FGFR1: variants seen among roughly 807,000 people sequenced by gnomAD.
The protein encoded by FGFR1 is FGFR1/PLAG1 fusion.
Under a neutral mutation model 93.7 loss-of-function variants are expected in FGFR1, and 18 were observed. That is an observed-to-expected ratio of 0.19 (90% confidence interval 0.13 to 0.28). The LOEUF (loss-of-function observed/expected upper bound fraction) is 0.28, where lower values mean the gene tolerates loss of function less well. Among genes scored for constraint, FGFR1 ranks in the 10% least tolerant of loss-of-function variants. FGFR1 has a pLI of 1.00. For synonymous variants in FGFR1, 448 were observed against 429.3 expected (o/e 1.04, Z -0.54); for missense variants, 731 against 1,080.4 (o/e 0.68, Z 4.53).
intron 3 of FGFR1, chr8:38,428,669 T>G (rs966853534): frequency 1.8e-5 from 10 of 558,412 alleles, no homozygotes; most frequent in East Asian, 9.1e-5. Context: ...CACTGGGTGG[T>G]TCCATCAGGG....
intron 2 of FGFR1, chr8:38,430,942 C>G (rs992184810): frequency 6.6e-6 from 1 of 152,344 alleles, no homozygotes. Context: ...GGGCTGTTAC[C>G]CATCTCCTGA....
At chr8:38,425,949 G>T in intron 6 of FGFR1, 173 bp downstream of exon 6, 1 of 804,836 alleles carries the variant, frequency 1.2e-6, no homozygotes, top group East Asian at 2.5e-5. Flanking sequence ...CTATTTTACA[G>T]ATAAGAAAAG....
At chr8:38,466,940 G>A (rs1456052558) in intron 1 of FGFR1, among the ~76,000 whole-genome samples, 5 of 151,510 alleles carry the variant, frequency 3.3e-5, no homozygotes, top group Non-Finnish European at 7.4e-5. Context: ...TGCCTCATAG[G>A]GGGTGTGTGT....
intron 1 of FGFR1, among the ~76,000 whole-genome samples, chr8:38,464,323 A>C (rs1835063982): frequency 6.6e-6 from 1 of 151,390 alleles, no homozygotes; most frequent in Non-Finnish European, 1.5e-5. Context: ...AAAAAAAAAA[A>C]AAAAAAAAAA....
chr8:38,412,804 G>A lies in FGFR1; in HGVS notation c.*824C>T, dbSNP rs1814810691. 4.3e-6 allele frequency: 1 copy of A among 233,270 alleles called. No individual in the cohort carries two copies. Among genetic ancestry groups the A allele is most frequent in the South Asian group, 1.8e-4 (1 of 5,526 alleles). The allele number at this position is 233,270 out of a possible 1,614,324, so 14.5% of individuals were successfully genotyped here. A position where few individuals can be genotyped will look rare whatever the true frequency, so the allele number is the denominator to read the frequency against. On this transcript the variant is annotated 3_prime_UTR_variant, in exon 18 of 18. Transcript: ENST00000447712. ...GAACATAATTTAAAAAAATAAAACA[G>A]CAAAAGTAGCAAAAAATATATGACC...
In FGFR1 at chr8:38,429,767, G is replaced by C. The variant is rs201823433; in HGVS notation, c.273C>G (p.Ser91=). Residue 91 remains serine, a synonymous_variant, in exon 3 of 18, where the codon TCC becomes TCG. Coordinates refer to ENST00000447712, the MANE Select transcript of FGFR1 (RefSeq NM_023110.3). The surrounding 1 kb of genome is among the most constrained non-coding windows in gnomAD (Gnocchi z 4.4). ...CATAGAGGCCGGAGTCTGCGGGCAC[G>C]GAGTCCTGCACCTCCACCTCCTCCC... ...ITGEEVEVQD[S]VPADSGLYAC... 2.5e-6 allele frequency: 4 copies of C among 1,606,968 alleles called. No homozygotes were observed. The highest frequency in any genetic ancestry group is 1.1e-5 in the South Asian group (1 of 89,706).
chr8:38,423,300 CTT>C (rs1289836482), intron 7 of FGFR1: 9 of 605,356 alleles, frequency 1.5e-5, no homozygotes, highest in Middle Eastern at 4.4e-4. Context: ...GATTTATTAC[CTT>C]TCCCTTTTAG....
At chr8:38,435,932 A>C (rs1019258839) in intron 2 of FGFR1, among the ~76,000 whole-genome samples, 39 of 152,356 alleles carry the variant, frequency 2.6e-4, no homozygotes, top group African/African-American at 8.4e-4. Context: ...AGCAGCACCA[A>C]AACACTTGCT....
intron 2 of FGFR1, among the ~76,000 whole-genome samples, chr8:38,449,784 C>T (rs1035944071): frequency 9.9e-5 from 15 of 152,242 alleles, no homozygotes; most frequent in Non-Finnish European, 1.5e-4. Context: ...ACCAGCTACA[C>T]GGAGCCCTCA....
At chr8:38,438,298 T>C (rs537782834) in intron 2 of FGFR1, among the ~76,000 whole-genome samples, 5 of 152,224 alleles carry the variant, frequency 3.3e-5, no homozygotes, top group Non-Finnish European at 1.5e-5. Context: ...TCCTAGCACT[T>C]TGGGAGGCCG....
rs1379681352 is a variant in FGFR1 at position 38,468,501 on chromosome 8, C to A, written c.-609G>T. 1 of 228,538 alleles carries A rather than the reference C, an allele frequency of 4.4e-6. No homozygotes were observed. The highest frequency in any genetic ancestry group is 6.1e-5 in the East Asian group (1 of 16,390). 14.2% of individuals were successfully genotyped at this position (228,538 alleles called of 1,614,324 possible). A position where few individuals can be genotyped will look rare whatever the true frequency, so the allele number is the denominator to read the frequency against. On this transcript the variant is annotated 5_prime_UTR_variant, in exon 1 of 18. Coordinates refer to ENST00000447712, the MANE Select transcript of FGFR1 (RefSeq NM_023110.3). ...ACGAGGGGTCTCGGTCCCGTCCGGA[C>A]GTGGCCGCCCAGCTCCCGGCACACC...
intron 2 of FGFR1, among the ~76,000 whole-genome samples, chr8:38,456,931 T>TAC (rs1358158623): frequency 1.3e-5 from 2 of 152,120 alleles, no homozygotes; most frequent in Non-Finnish European, 1.5e-5. Flanking sequence ...TCTCACCTCC[T>TAC]ACAACATCCC....
Position 38,413,502 on chromosome 8 carries a change from C to T in FGFR1, c.*126G>A. 1 of 1,101,726 alleles carries T rather than the reference C, an allele frequency of 9.1e-7. No homozygotes were observed. Among genetic ancestry groups the T allele is most frequent in the Non-Finnish European group, 1.3e-6 (1 of 772,138 alleles). The allele number at this position is 1,101,726 out of a possible 1,614,324, so 68.2% of individuals were successfully genotyped here. ...TGAAGGCAGGCCACACAGGAAGGCC[C>T]CTGGTAGGCAGCCGGCTCCTGCCAG... On this transcript the variant is annotated 3_prime_UTR_variant, in exon 18 of 18. Coordinates refer to ENST00000447712, the MANE Select transcript of FGFR1 (RefSeq NM_023110.3). This position sits in a 1 kb window ranked among gnomAD's most constrained non-coding sequence, Gnocchi z 4.2.
intron 2 of FGFR1, chr8:38,434,404 C>A: frequency 3.2e-6 from 1 of 313,818 alleles, no homozygotes; most frequent in Non-Finnish European, 6.3e-6. Context: ...GCAATGGTGA[C>A]TTCCACCTCA....
At position 38,429,225 on chromosome 8, in the gene FGFR1, G is replaced by A. The variant is rs974059979; in HGVS notation, c.358+457C>T. 2 of 461,926 alleles carry A rather than the reference G, an allele frequency of 4.3e-6. No individual in the cohort carries two copies. Among genetic ancestry groups the A allele is most frequent in the South Asian group, 3.1e-5 (2 of 64,450 alleles). The allele number at this position is 461,926 out of a possible 1,614,324, so 28.6% of individuals were successfully genotyped here. On this transcript the variant is annotated intron_variant, in intron 3 of 17. Coordinates refer to ENST00000447712, the MANE Select transcript of FGFR1 (RefSeq NM_023110.3). This position sits in a 1 kb window ranked among gnomAD's most constrained non-coding sequence, Gnocchi z 4.4. ...GCTCCAGGGCTCCCTGGCTGCCCTC[G>A]CACAGCTCCCTTGCGGTGCACCTGG...
At chr8:38,422,035 T>G (rs1378361493) in intron 7 of FGFR1, 94 bp from the exon 8 acceptor site, 1 of 1,427,634 alleles carries the variant, frequency 7.0e-7, no homozygotes, top group East Asian at 2.4e-5. Flanking sequence ...GAAGGGGGAC[T>G]AGAGGAAGAA....
chr8:38,434,868 T>G (rs1298682578), intron 2 of FGFR1: 1 of 152,626 alleles, frequency 6.6e-6, no homozygotes, highest in Non-Finnish European at 1.5e-5. Context: ...TGCTTCTTTT[T>G]GTTTGTTTGT....
chr8:38,433,316 C>A (rs1439069908), intron 2 of FGFR1, among the ~76,000 whole-genome samples: 1 of 151,798 alleles, frequency 6.6e-6, no homozygotes, highest in African/African-American at 2.4e-5. Flanking sequence ...ATGACAAAGA[C>A]CCTTTTTTTT....
At chr8:38,437,131 C>T (rs1255325975) in intron 2 of FGFR1, among the ~76,000 whole-genome samples, 4 of 152,132 alleles carry the variant, frequency 2.6e-5, no homozygotes, top group Admixed American at 6.5e-5. Context: ...CCACCCACCT[C>T]GGCCTCCCAA....
Sources: gnomAD v4.1 joint callset for allele counts (sites outside exome capture counted in the v4.1 genomes callset) on GRCh38, gnomAD v4.1.1 for gene constraint, Gnocchi (gnomAD v3.1) non-coding constraint, MANE v1.5 for transcripts, NCBI Gene and HGNC (gene_info 2026-07-23, HGNC 2026-07-21) for gene names.